The following SPHKAP variants were observed in gnomAD, a reference collection of about 807,000 sequenced individuals.
The protein encoded by SPHKAP is A-kinase anchor protein SPHKAP.
In SPHKAP, 67 loss-of-function variants were observed where a neutral mutation model predicts 137.5. The ratio of observed to expected loss-of-function variants is 0.49; its 90% CI spans 0.40 to 0.60. SPHKAP has a LOEUF of 0.60. SPHKAP is among the 20% of genes least tolerant of loss of function. SPHKAP has a pLI of 0.00. For synonymous variants in SPHKAP, 813 were observed against 785.3 expected, an observed-to-expected ratio of 1.04 and a Z score of -0.59; for missense variants, 2,097 against 2,069.3, an observed-to-expected ratio of 1.01 and a Z score of -0.26.
At chr2:228,039,759 A>G (rs1695769177) in intron 3 of SPHKAP, among the ~76,000 whole-genome samples, 1 of 152,244 alleles carries the variant, frequency 6.6e-6, no homozygotes, top group African/African-American at 2.4e-5. Flanking sequence ...GTGCTTTTAT[A>G]TAAGATAAAA....
Position 227,995,669 on chromosome 2 carries a change from G to C in SPHKAP, c.4474C>G (p.Pro1492Ala). 1.2e-6 allele frequency: 2 copies of C among 1,607,592 alleles called. No homozygotes were observed. The highest frequency in any genetic ancestry group is 1.7e-6 in the Non-Finnish European group (2 of 1,178,190). ...GCTTCTGTGGAGGCTTCAGCCTCTGGTACATCTCTGGTATCAAGGCTGTCA... is the reference window on the plus strand; with the variant it reads ...GCTTCTGTGGAGGCTTCAGCCTCTGCTACATCTCTGGTATCAAGGCTGTCA... ...HSDSLDTRDVPEAEASTEARA... is the reference protein window; with the variant it reads ...HSDSLDTRDVAEAEASTEARA... The change falls in exon 8 of 12, where the codon CCA (proline) becomes GCA (alanine). Residue 1492 changes from proline (P) to alanine (A), a missense_variant. Transcript: ENST00000392056.
chr2:228,138,446 T>G (rs893982224), intron 1 of SPHKAP, among the ~76,000 whole-genome samples: 2 of 152,212 alleles, frequency 1.3e-5, no homozygotes, highest in Non-Finnish European at 2.9e-5. Flanking sequence ...TCTGGTTTCA[T>G]CTCCTAGGTA....
Position 227,991,759 on chromosome 2 carries a change from ATAC to A in SPHKAP, c.4722-436_4722-434del, listed in dbSNP as rs954212310. 2.1e-5 allele frequency: 16 copies of A among 749,254 alleles called. No homozygotes were observed. In the Admixed American group the frequency reaches 2.5e-4, roughly 12 times the overall value. The allele number at this position is 749,254 out of a possible 1,614,324, so 46.4% of individuals were successfully genotyped here. A position where few individuals can be genotyped will look rare whatever the true frequency, so the allele number is the denominator to read the frequency against. ...CCCATCTTGTCACAATTTTTTTTCTATACTACAATAGCAACATAGCTTTTATTT... is the reference window on the plus strand; with the variant it reads ...CCCATCTTGTCACAATTTTTTTTCTATACAATAGCAACATAGCTTTTATTT... On this transcript the variant is annotated intron_variant, in intron 9 of 11. Transcript: ENST00000392056.
chr2:228,146,293 T>A (rs1208496393), intron 1 of SPHKAP, among the ~76,000 whole-genome samples: 1 of 152,174 alleles, frequency 6.6e-6, no homozygotes, highest in East Asian at 1.9e-4. Context: ...ACATTAGCGC[T>A]CACTTTTGGC....
intron 7 of SPHKAP, among the ~76,000 whole-genome samples, chr2:228,006,590 C>T (rs540219278): frequency 4.6e-5 from 7 of 152,224 alleles, no homozygotes; most frequent in Middle Eastern, 6.8e-3. Flanking sequence ...TGAGGAGGTG[C>T]GTTCCTTTGG....
At chr2:228,123,637 G>C (rs1698981514) in intron 2 of SPHKAP, among the ~76,000 whole-genome samples, 1 of 152,162 alleles carries the variant, frequency 6.6e-6, no homozygotes, top group Non-Finnish European at 1.5e-5. Context: ...TGGGGCTCTT[G>C]TCCAAGAGCA....
chr2:227,982,314 C>T, intron 11 of SPHKAP: 1 of 985,290 alleles, frequency 1.0e-6, no homozygotes, highest in African/African-American at 1.7e-5. Flanking sequence ...GATGCAGGAC[C>T]ACCTATTGAT....
intron 11 of SPHKAP, among the ~76,000 whole-genome samples, chr2:227,984,484 T>A (rs1164120374): frequency 2.0e-5 from 3 of 152,090 alleles, no homozygotes; most frequent in Non-Finnish European, 4.4e-5. Context: ...GGGGAACATT[T>A]CAAGCAGCTA....
chr2:228,014,917 T>G (rs540814343), intron 7 of SPHKAP, among the ~76,000 whole-genome samples: 2 of 152,334 alleles, frequency 1.3e-5, no homozygotes, highest in African/African-American at 4.8e-5. Context: ...TTTTTAAATT[T>G]AATTTTATTA....
At chr2:228,145,107 C>G (rs945127009) in intron 1 of SPHKAP, among the ~76,000 whole-genome samples, 2 of 152,144 alleles carry the variant, frequency 1.3e-5, no homozygotes, top group African/African-American at 4.8e-5. Flanking sequence ...GAGCACTTCA[C>G]TGATTCTGGA....
chr2:228,169,471 T>TGAGA (rs1700517643), intron 1 of SPHKAP, among the ~76,000 whole-genome samples: 1 of 152,138 alleles, frequency 6.6e-6, no homozygotes, highest in African/African-American at 2.4e-5. Context: ...GCCTGTGCTC[T>TGAGA]GTAAATGGAA....
chr2:228,141,046 C>T (rs1452450703), intron 1 of SPHKAP, among the ~76,000 whole-genome samples: 1 of 152,126 alleles, frequency 6.6e-6, no homozygotes, highest in Non-Finnish European at 1.5e-5. Flanking sequence ...AAATAACAGA[C>T]CTAAGATTTC....
At position 228,042,925 on chromosome 2, in the gene SPHKAP, T is replaced by A. The variant is rs149945384; in HGVS notation, c.247-15382A>T. On this transcript the variant is annotated intron_variant, in intron 3 of 11. Transcript: ENST00000392056. ...TTATGACTTAATGGATATAAATGGG[T>A]GCCAGCATTATGGGTGCTGCCTGTT... 2.4e-3 allele frequency among the ~76,000 whole-genome samples: 364 copies of A among 152,294 alleles called. 2 individuals are homozygous for A. The highest frequency in any genetic ancestry group is 3.7e-3 in the Non-Finnish European group (251 of 68,004).
At chr2:228,114,186 T>C (rs1487400697) in intron 2 of SPHKAP, among the ~76,000 whole-genome samples, 1 of 152,182 alleles carries the variant, frequency 6.6e-6, no homozygotes, top group African/African-American at 2.4e-5. Context: ...TTTTGTGTGT[T>C]CACAAATTTG....
chr2:228,104,241 A>C (rs1253614127), intron 3 of SPHKAP, among the ~76,000 whole-genome samples: 1 of 134,408 alleles, frequency 7.4e-6, no homozygotes, highest in East Asian at 2.2e-4. Context: ...TTATATCATT[A>C]TATTATATAT....
Position 228,021,868 on chromosome 2 carries a change from A to C in SPHKAP, c.540T>G (p.Ile180Met), listed in dbSNP as rs1694854574. The change falls in exon 6 of 12, where the codon ATT becomes ATG. Residue 180 changes from isoleucine (I) to methionine (M), a missense_variant. Coordinates refer to ENST00000392056, the MANE Select transcript of SPHKAP (RefSeq NM_001142644.2). ...GTCGCTCCTGCACCAGTTCCAGACC[A>C]ATCAGAAATTTGTTGATTTCAAAGA... Reference protein sequence around the residue: ...CIIFEINKFLIGLELVQERQL... With the variant: ...CIIFEINKFLMGLELVQERQL... 3 of 1,614,186 alleles carry C rather than the reference A, an allele frequency of 1.9e-6. No individual in the cohort carries two copies. In the South Asian group the frequency reaches 3.3e-5, roughly 18 times the overall value.
chr2:228,053,082 T>G (rs1475513927), intron 3 of SPHKAP, among the ~76,000 whole-genome samples: 10 of 152,170 alleles, frequency 6.6e-5, no homozygotes. Flanking sequence ...CTGACTTGAT[T>G]CCTGCTGAAG....
At chr2:228,022,482 A>C (rs544100889) in intron 5 of SPHKAP, among the ~76,000 whole-genome samples, 9 of 152,320 alleles carry the variant, frequency 5.9e-5, no homozygotes, top group African/African-American at 1.9e-4. Context: ...CAAGATGCCC[A>C]GTGAAGTTAG....
chr2:228,098,091 T>C (rs1293262793), intron 3 of SPHKAP, among the ~76,000 whole-genome samples: 1 of 152,198 alleles, frequency 6.6e-6, no homozygotes, highest in Non-Finnish European at 1.5e-5. Flanking sequence ...CTAATTTGCA[T>C]TCCCACCAGC....
Sources: allele counts gnomAD v4.1 joint callset (sites outside exome capture counted in the v4.1 genomes callset), GRCh38; gene constraint gnomAD v4.1.1; transcripts MANE v1.5; gene names NCBI Gene and HGNC (gene_info 2026-07-23, HGNC 2026-07-21).